Variants in TUBB1 observed in about 807,000 individuals in gnomAD.
TUBB1 encodes the protein tubulin beta 1 class VI, also known as tubulin beta-1 chain.
In TUBB1, 28 loss-of-function variants were observed where a neutral mutation model predicts 22.6. That is an observed-to-expected ratio of 1.24 (90% CI 0.92 to 1.70). The LOEUF (loss-of-function observed/expected upper bound fraction) is 1.70. TUBB1 is among the 40% of genes most tolerant of loss of function. The pLI is 0.00. For synonymous variants in TUBB1, 226 were observed against 238.0 expected (o/e 0.95, Z 0.46); for missense variants, 577 against 605.5 (o/e 0.95, Z 0.49).
At position 59,025,530 on chromosome 20, in the gene TUBB1, T is replaced by C. The variant is rs544584091; in HGVS notation, c.*747T>C. The stretch of plus-strand genomic sequence containing the variant: ...CTAGCCTTTAACATATATGTTTATA[T>C]AGTTTAAATTTCTTACTACTGTTAG... On this transcript the variant is annotated 3_prime_UTR_variant, in exon 4 of 4. Transcript: ENST00000217133. 6.6e-6 allele frequency: 1 copy of C among 152,428 alleles called. No individual in the cohort carries two copies. The highest frequency in any genetic ancestry group is 1.5e-5 in the Non-Finnish European group (1 of 68,078). 9.4% of individuals were successfully genotyped at this position (152,428 alleles called of 1,614,324 possible).
chr20:59,022,983 G>T, intron 2 of TUBB1, 30 bp downstream of exon 2: 1 of 1,575,112 alleles, frequency 6.3e-7, no homozygotes. Flanking sequence ...GGGAGCAGTG[G>T]TCCCGCAACT....
rs1459363336 is a variant in TUBB1 at position 59,024,341 on chromosome 20, T to A, written c.914T>A (p.Leu305His). The change falls in exon 4 of 4, where the codon CTC (leucine) becomes CAC (histidine). Residue 305 changes from leucine to histidine, a missense_variant. Physicochemically the swap from Leu to His is moderately conservative, Grantham distance 99. Transcript: ENST00000217133. This position sits in a 1 kb window ranked among gnomAD's most constrained non-coding sequence, Gnocchi z 4.9. ...DARNTMAACD[L>H]RRGRYLTVAC... ...CGCAATACCATGGCTGCCTGTGACC[T>A]CCGCCGTGGCCGCTACCTCACAGTG... The A allele has an allele frequency of 2.0e-5, 32 of 1,613,784 alleles. No homozygotes were observed. The highest frequency in any genetic ancestry group is 2.5e-5 in the Non-Finnish European group (29 of 1,179,774).
At chr20:59,023,079 G>A in intron 2 of TUBB1, 126 bp downstream of exon 2, 2 of 915,382 alleles carry the variant, frequency 2.2e-6, no homozygotes, top group South Asian at 1.4e-5. Flanking sequence ...CGACAGGCAG[G>A]GCAGCAGGAT....
Position 59,024,222 on chromosome 20 carries a change from C to T in TUBB1, c.795C>T (p.Phe265=). The T allele has an allele frequency of 6.2e-7, 1 of 1,614,148 alleles. No homozygotes were observed. The change falls in exon 4 of 4, where the codon TTC becomes TTT. Residue 265 remains phenylalanine, a synonymous_variant. Transcript: ENST00000217133. The surrounding 1 kb of genome is among the most constrained non-coding windows in gnomAD (Gnocchi z 4.9). ...VNMVPFPRLH[F]FMPGFAPLTA... ...TGGTCCCCTTCCCCCGCCTGCACTT[C>T]TTTATGCCCGGCTTTGCCCCACTCA...
chr20:59,024,155 C>T lies in TUBB1; in HGVS notation c.728C>T (p.Pro243Leu), dbSNP rs746545987. The part of the protein sequence containing the change: ...MSGITTSLRF[P>L]GQLNADLRKL... ...GGCATAACCACCTCCCTCCGGTTCCCGGGTCAGCTCAACGCAGACCTGCGC... is the reference window on the plus strand; with the variant it reads ...GGCATAACCACCTCCCTCCGGTTCCTGGGTCAGCTCAACGCAGACCTGCGC... Residue 243 changes from proline to leucine, a missense_variant, in exon 4 of 4, where the codon CCG becomes CTG. Pro to Leu is a moderately conservative substitution (Grantham distance 98, BLOSUM62 -3). Coordinates refer to ENST00000217133, the MANE Select transcript of TUBB1 (RefSeq NM_030773.4). The surrounding 1 kb of genome is among the most constrained non-coding windows in gnomAD (Gnocchi z 4.9). The T allele has an allele frequency of 1.5e-5, 24 of 1,614,100 alleles. No homozygotes were observed. Among genetic ancestry groups the T allele is most frequent in the Admixed American group, 8.3e-5 (5 of 60,010 alleles).
intron 1 of TUBB1, among the ~76,000 whole-genome samples, chr20:59,021,681 T>A (rs1484183195): frequency 6.6e-6 from 1 of 152,170 alleles, no homozygotes; most frequent in African/African-American, 2.4e-5. Context: ...GTGAGTTGTA[T>A]GTATACCTGA....
At chr20:59,017,575 C>T (rs1302955374), upstream of TUBB1, among the ~76,000 whole-genome samples, 1 of 152,224 alleles carries the variant, frequency 6.6e-6, no homozygotes, top group Admixed American at 6.5e-5. Context: ...CCCCACCAGG[C>T]CTGTAGAAGG....
At position 59,023,093 on chromosome 20, in the gene TUBB1, A is replaced by G. The variant is rs993074007; in HGVS notation, c.166+140A>G. ...GCGACAGGCAGGGCAGCAGGATCCT[A>G]GAGTGGTGGGTCCCCAAGCCCTGGT... On this transcript the variant is annotated intron_variant, in intron 2 of 3. Coordinates refer to ENST00000217133, the MANE Select transcript of TUBB1 (RefSeq NM_030773.4). The G allele has an allele frequency of 7.2e-6, 6 of 829,648 alleles. No homozygotes were observed. The African/African-American group carries it at 8.4e-5, about 12-fold the overall frequency. 51.4% of individuals were successfully genotyped at this position (829,648 alleles called of 1,614,324 possible).
At chr20:59,022,815 C>T (rs749153048) in intron 1 of TUBB1, 30 bp from the exon 2 acceptor site, 13 of 1,602,546 alleles carry the variant, frequency 8.1e-6, no homozygotes, top group Middle Eastern at 1.6e-4. Context: ...TTTCGGGGTC[C>T]GTTTACTCTG....
upstream of TUBB1, chr20:59,019,341 G>C (rs1470419056): frequency 4.4e-6 from 3 of 678,938 alleles, no homozygotes; most frequent in African/African-American, 1.8e-5. Flanking sequence ...GACTGGCTGA[G>C]GGCGGGGAGC....
At position 59,025,218 on chromosome 20, in the gene TUBB1, C is replaced by T. The variant is rs893178510; in HGVS notation, c.*435C>T. 50 of 262,862 alleles carry T rather than the reference C, an allele frequency of 1.9e-4. No individual in the cohort carries two copies. Among genetic ancestry groups the T allele is most frequent in the Non-Finnish European group, 6.0e-5 (8 of 132,868 alleles). 16.3% of individuals were successfully genotyped at this position (262,862 alleles called of 1,614,324 possible). A position where few individuals can be genotyped will look rare whatever the true frequency, so the allele number is the denominator to read the frequency against. ...TAAGACTCTTTCCTTAGGTTCTTTC[C>T]TCTGAGCAAACACTGACTGGCATCC... On this transcript the variant is annotated 3_prime_UTR_variant, in exon 4 of 4. Coordinates refer to ENST00000217133, the MANE Select transcript of TUBB1 (RefSeq NM_030773.4).
At chr20:59,021,255 T>C (rs1022589190) in intron 1 of TUBB1, among the ~76,000 whole-genome samples, 3 of 152,238 alleles carry the variant, frequency 2.0e-5, no homozygotes, top group Non-Finnish European at 4.4e-5. Flanking sequence ...GCTCTCACTC[T>C]GGAATCGTAT....
chr20:59,019,689 G>A, intron 1 of TUBB1, 110 bp downstream of exon 1: 3 of 1,159,596 alleles, frequency 2.6e-6, no homozygotes, highest in South Asian at 2.5e-5. Context: ...CAGATTTAAT[G>A]TACTTGCTAA....
intron 1 of TUBB1, among the ~76,000 whole-genome samples, chr20:59,020,859 A>T (rs1300544019): frequency 6.6e-6 from 1 of 152,204 alleles, no homozygotes; most frequent in Non-Finnish European, 1.5e-5. Context: ...TCTTGATTTT[A>T]AGATGACCAA....
In TUBB1 at chr20:59,024,975, A is replaced by G. The variant is rs1020782922; in HGVS notation, c.*192A>G. 9.9e-5 allele frequency: 64 copies of G among 647,078 alleles called. 3 individuals are homozygous for G. Among genetic ancestry groups the G allele is most frequent in the South Asian group, 9.7e-4 (56 of 57,464 alleles). 40.1% of individuals were successfully genotyped at this position (647,078 alleles called of 1,614,324 possible). A position where few individuals can be genotyped will look rare whatever the true frequency, so the allele number is the denominator to read the frequency against. On this transcript the variant is annotated 3_prime_UTR_variant, in exon 4 of 4. Coordinates refer to ENST00000217133, the MANE Select transcript of TUBB1 (RefSeq NM_030773.4). This position sits in a 1 kb window ranked among gnomAD's most constrained non-coding sequence, Gnocchi z 4.9. Reference sequence around the variant, plus strand: ...GACAGGCATTAGGGTCTTTGCTGACATCTACTAACCTTGAAGAGTTTGATG... The same window carrying G: ...GACAGGCATTAGGGTCTTTGCTGACGTCTACTAACCTTGAAGAGTTTGATG...
Position 59,023,470 on chromosome 20 carries a change from T to C in TUBB1, c.167-20T>C. 1 of 1,608,568 alleles carries C rather than the reference T, an allele frequency of 6.2e-7. No homozygotes were observed. Among genetic ancestry groups the C allele is most frequent in the Non-Finnish European group, 8.5e-7 (1 of 1,174,912 alleles). On this transcript the variant is annotated intron_variant, in intron 2 of 3. Coordinates refer to ENST00000217133, the MANE Select transcript of TUBB1 (RefSeq NM_030773.4). ...TTTAGAAAAACAAGTAGGCTGACTT[T>C]TTCCTATTTTTCTACACAGGTAGGA...
Position 59,023,872 on chromosome 20 carries a change from A to C in TUBB1, c.445A>C (p.Thr149Pro), listed in dbSNP as rs2091979868. The C allele has an allele frequency of 2.5e-6, 4 of 1,614,098 alleles. No individual in the cohort carries two copies. The East Asian group carries it at 8.9e-5, about 36-fold the overall frequency. Residue 149 changes from threonine (T) to proline (P), a missense_variant, in exon 4 of 4, where the codon ACT becomes CCT. Physicochemically the swap from Thr to Pro is conservative, Grantham distance 38. Transcript: ENST00000217133. ...CGGGGGCACAGGCTCCGGGATGGGC[A>C]CTCTGCTCATGAACAAGATTAGAGA... is the stretch of plus-strand genomic sequence containing the variant. ...LGGGTGSGMGTLLMNKIREEY... is the reference protein window; with the variant it reads ...LGGGTGSGMGPLLMNKIREEY...
rs778975827 is a variant in TUBB1, at chr20:59,023,848, G to A, written c.421G>A (p.Gly141Arg). 1.2e-5 allele frequency: 20 copies of A among 1,614,098 alleles called. No individual in the cohort carries two copies. Among genetic ancestry groups the A allele is most frequent in the Non-Finnish European group, 1.5e-5 (18 of 1,179,984 alleles). Residue 141 changes from glycine to arginine, a missense_variant, in exon 4 of 4, where the codon GGG becomes AGG. Coordinates refer to ENST00000217133, the MANE Select transcript of TUBB1 (RefSeq NM_030773.4). The part of the protein sequence containing the change: ...QGFQIVHSLG[G>R]GTGSGMGTLL... Reference sequence around the variant, plus strand: ...CTTCCAGATCGTCCACTCCCTGGGCGGGGGCACAGGCTCCGGGATGGGCAC... The same window carrying A: ...CTTCCAGATCGTCCACTCCCTGGGCAGGGGCACAGGCTCCGGGATGGGCAC...
At chr20:59,019,330 G>C (rs2091957473), upstream of TUBB1, 1 of 659,240 alleles carries the variant, frequency 1.5e-6, no homozygotes, top group South Asian at 1.7e-5. Context: ...AGAAGGGCCA[G>C]GACTGGCTGA....
Sources: gnomAD v4.1 joint callset for allele counts (sites outside exome capture counted in the v4.1 genomes callset) on GRCh38, gnomAD v4.1.1 for gene constraint, Gnocchi (gnomAD v3.1) non-coding constraint, MANE v1.5 for transcripts, NCBI Gene and HGNC (gene_info 2026-07-23, HGNC 2026-07-21) for gene names.